Variants in SLC25A24 observed in about 807,000 individuals in gnomAD.
SLC25A24 encodes the protein mitochondrial adenyl nucleotide antiporter SLC25A24.
A neutral mutation model predicts 60.7 loss-of-function variants in SLC25A24; 49 were observed. The ratio of observed to expected loss-of-function variants is 0.81; its 90% CI spans 0.64 to 1.02. The LOEUF (loss-of-function observed/expected upper bound fraction) is 1.02. Ranked by LOEUF, SLC25A24 falls within the 50% of genes least tolerant of loss-of-function variation. The pLI, the probability that SLC25A24 is intolerant of heterozygous loss-of-function variation, is 0.00. For missense variants in SLC25A24, 564 were observed against 586.3 expected (o/e 0.96, Z 0.39); for synonymous variants, 202 against 200.6 (o/e 1.01, Z -0.06).
rs372143943 is a variant in SLC25A24 at position 108,200,038 on chromosome 1, T to C, written c.101A>G (p.Asn34Ser). Reference sequence around the variant, plus strand: ...GCCGATGTCCACCACTCCGTCCCCATTGCGGTCCAGTGCCTGGAAGAGGGT... The same window carrying C: ...GCCGATGTCCACCACTCCGTCCCCACTGCGGTCCAGTGCCTGGAAGAGGGT... ...YETLFQALDR[N>S]GDGVVDIGEL... is the part of the protein sequence containing the mutation. Residue 34 changes from asparagine (N) to serine (S), a missense_variant, in exon 1 of 10, where the codon AAT (asparagine) becomes AGT (serine). Transcript: ENST00000565488. 56 of 1,609,606 alleles carry C rather than the reference T, an allele frequency of 3.5e-5. No homozygotes were observed. In the East Asian group the frequency reaches 3.6e-4, roughly 10 times the overall value.
At chr1:108,170,634 A>G in intron 3 of SLC25A24, among the ~76,000 whole-genome samples, 1 of 151,996 alleles carries the variant, frequency 6.6e-6, no homozygotes, top group East Asian at 1.9e-4. Context: ...GTATATCCTC[A>G]TACTGAATTT....
chr1:108,183,889 G>A (rs377529611), intron 2 of SLC25A24, among the ~76,000 whole-genome samples: 4 of 152,282 alleles, frequency 2.6e-5, no homozygotes, highest in African/African-American at 9.6e-5. Flanking sequence ...TCACTGCTCT[G>A]TGCATGTCCA....
intron 9 of SLC25A24, among the ~76,000 whole-genome samples, chr1:108,137,284 C>T (rs145363278): frequency 8.3e-4 from 126 of 152,194 alleles, no homozygotes; most frequent in East Asian, 2.1e-3. Flanking sequence ...ACTAGACAAG[C>T]GCTGAAGAGA....
rs1302897032 is a variant in SLC25A24, at chr1:108,192,625, G to A, written c.184-6671C>T. ...GATCTCCGTAGAGGGAGTCCATCGA[G>A]GATGTCTCCCTCGCAGCTCCGCGGC... is the stretch of plus-strand genomic sequence containing the variant. On this transcript the variant is annotated intron_variant, in intron 1 of 9. Coordinates refer to ENST00000565488, the MANE Select transcript of SLC25A24 (RefSeq NM_013386.5). 2.0e-6 allele frequency: 3 copies of A among 1,495,598 alleles called. 1 individual carries two copies. In the South Asian group the frequency reaches 3.9e-5, roughly 20 times the overall value. The allele number at this position is 1,495,598 out of a possible 1,614,324, so 92.6% of individuals were successfully genotyped here. A position where few individuals can be genotyped will look rare whatever the true frequency, so the allele number is the denominator to read the frequency against.
Position 108,192,440 on chromosome 1 carries a change from C to T in SLC25A24, c.184-6486G>A. Reference sequence around the variant, plus strand: ...AAATTTTGCCCTCTCTGCCCAATGCCTCTCCAGGGCTCCCAGCCCCAACGT... The same window carrying T: ...AAATTTTGCCCTCTCTGCCCAATGCTTCTCCAGGGCTCCCAGCCCCAACGT... On this transcript the variant is annotated intron_variant, in intron 1 of 9. Transcript: ENST00000565488. 3 of 1,310,146 alleles carry T rather than the reference C, an allele frequency of 2.3e-6. 1 individual carries two copies. Among genetic ancestry groups the T allele is most frequent in the Non-Finnish European group, 2.1e-6 (2 of 950,810 alleles). 81.2% of individuals were successfully genotyped at this position (1,310,146 alleles called of 1,614,324 possible). A position where few individuals can be genotyped will look rare whatever the true frequency, so the allele number is the denominator to read the frequency against.
At chr1:108,149,242 C>CTA (rs1401042238) in intron 6 of SLC25A24, among the ~76,000 whole-genome samples, 8 of 152,210 alleles carry the variant, frequency 5.3e-5, no homozygotes. Flanking sequence ...ATCTCCCTGG[C>CTA]TATCAGTACT....
intron 7 of SLC25A24, 85 bp from the exon 8 acceptor site, chr1:108,143,795 A>T (rs1453582741): frequency 3.0e-6 from 3 of 983,704 alleles, no homozygotes; most frequent in Non-Finnish European, 4.6e-6. Context: ...ACATGGAACA[A>T]ATACCTAGCA....
chr1:108,175,844 T>A (rs1309764128), intron 3 of SLC25A24, among the ~76,000 whole-genome samples: 2 of 152,188 alleles, frequency 1.3e-5, no homozygotes, highest in Non-Finnish European at 2.9e-5. Context: ...ATATTAAAGA[T>A]ATTTAATTAA....
At chr1:108,139,270 C>T in intron 8 of SLC25A24, 62 bp from the exon 9 acceptor site, 4 of 1,487,198 alleles carry the variant, frequency 2.7e-6, no homozygotes, top group Non-Finnish European at 3.6e-6. Flanking sequence ...TAAACATTTT[C>T]ACAGCTATTC....
At chr1:108,161,522 C>A (rs529160316) in intron 3 of SLC25A24, among the ~76,000 whole-genome samples, 2 of 152,292 alleles carry the variant, frequency 1.3e-5, no homozygotes, top group South Asian at 2.1e-4. Flanking sequence ...ACAGCCAGCT[C>A]ACTAAAGAAT....
At chr1:108,180,693 G>A (rs909845438) in intron 3 of SLC25A24, among the ~76,000 whole-genome samples, 1 of 147,730 alleles carries the variant, frequency 6.8e-6, no homozygotes, top group African/African-American at 2.6e-5. Flanking sequence ...AGTGAGAAGG[G>A]GTCTATCTGC....
At chr1:108,141,377 G>A (rs1445760199) in intron 8 of SLC25A24, among the ~76,000 whole-genome samples, 1 of 152,122 alleles carries the variant, frequency 6.6e-6, no homozygotes, top group Middle Eastern at 3.2e-3. Flanking sequence ...GGGAGGACAT[G>A]GAGAAATTGG....
At chr1:108,163,918 G>T (rs1680166230) in intron 3 of SLC25A24, among the ~76,000 whole-genome samples, 1 of 152,170 alleles carries the variant, frequency 6.6e-6, no homozygotes, top group African/African-American at 2.4e-5. Context: ...GTATGATATT[G>T]GCTGTGGGTT....
intron 8 of SLC25A24, among the ~76,000 whole-genome samples, chr1:108,141,071 T>G (rs1276808433): frequency 6.6e-6 from 1 of 152,038 alleles, no homozygotes; most frequent in East Asian, 1.9e-4. Context: ...AGGACACACA[T>G]AAGCTGAAAG....
rs1265847612 is a variant in SLC25A24, at chr1:108,192,051, C to T, written c.184-6097G>A. Reference sequence around the variant, plus strand: ...CCGAGAGTAAAAGCCACTTCCACTGCCCCCTTCCAGGAACAGAAACCGAAA... The same window carrying T: ...CCGAGAGTAAAAGCCACTTCCACTGTCCCCTTCCAGGAACAGAAACCGAAA... On this transcript the variant is annotated intron_variant, in intron 1 of 9. Coordinates refer to ENST00000565488, the MANE Select transcript of SLC25A24 (RefSeq NM_013386.5). 3.6e-5 allele frequency among the ~76,000 whole-genome samples: 5 copies of T among 138,354 alleles called. 1 individual carries two copies. Among genetic ancestry groups the T allele is most frequent in the African/African-American group, 1.3e-4 (5 of 39,920 alleles). 90.8% of individuals were successfully genotyped at this position (138,354 alleles called of 152,430 possible). A position where few individuals can be genotyped will look rare whatever the true frequency, so the allele number is the denominator to read the frequency against.
chr1:108,159,029 AAAAC>A (rs1226586142), intron 4 of SLC25A24, among the ~76,000 whole-genome samples: 2 of 152,150 alleles, frequency 1.3e-5, no homozygotes, highest in African/African-American at 4.8e-5. Flanking sequence ...AACAAAAACA[AAAAC>A]AAAAAATAAA....
intron 1 of SLC25A24, chr1:108,192,863 C>T: frequency 1.1e-6 from 1 of 936,782 alleles, no homozygotes; most frequent in Non-Finnish European, 1.4e-6. Context: ...TGCGTGGGAC[C>T]GCACTCTGGG....
chr1:108,176,964 A>G (rs1002376742), intron 3 of SLC25A24, among the ~76,000 whole-genome samples: 2 of 152,234 alleles, frequency 1.3e-5, no homozygotes, highest in African/African-American at 4.8e-5. Flanking sequence ...GTACACAGGT[A>G]AATTCAAAAT....
intron 3 of SLC25A24, among the ~76,000 whole-genome samples, chr1:108,163,402 C>G (rs1476992560): frequency 6.7e-6 from 1 of 150,356 alleles, no homozygotes; most frequent in East Asian, 2.0e-4. Context: ...GCCATTTTCA[C>G]GATACTGATT....
Sources: allele counts gnomAD v4.1 joint callset (sites outside exome capture counted in the v4.1 genomes callset), GRCh38; gene constraint gnomAD v4.1.1; transcripts MANE v1.5; gene names NCBI Gene and HGNC (gene_info 2026-07-23, HGNC 2026-07-21).